The following DACH2 variants were observed in gnomAD, a reference collection of about 807,000 sequenced individuals.
DACH2 encodes dachshund homolog 2.
DACH2 carries 17 observed loss-of-function variants against 35.8 expected under a neutral mutation model. The ratio of observed to expected loss-of-function variants is 0.48; its 90% CI spans 0.33 to 0.71. The LOEUF (loss-of-function observed/expected upper bound fraction) is 0.71. Among genes scored for constraint, DACH2 ranks in the 30% least tolerant of loss-of-function variants. DACH2 has a pLI of 0.02. For missense variants in DACH2, 469 were observed against 472.7 expected, an observed-to-expected ratio of 0.99 and a Z score of 0.07; for synonymous variants, 195 against 177.3, an observed-to-expected ratio of 1.10 and a Z score of -0.79.
At chrX:86,511,346 T>C (rs1400911658) in intron 2 of DACH2, among the ~76,000 whole-genome samples, 1 of 111,885 alleles carries the variant, frequency 8.9e-6, no homozygotes, top group Non-Finnish European at 1.9e-5. Flanking sequence ...TTCACAAACT[T>C]CATTCCAATT....
chrX:86,337,981 C>A (rs2148057142), intron 1 of DACH2, among the ~76,000 whole-genome samples: 1 of 111,986 alleles, frequency 8.9e-6, no homozygotes, highest in African/African-American at 3.2e-5. Context: ...AAGGGCATTA[C>A]ATAATGGTTA....
intron 7 of DACH2, among the ~76,000 whole-genome samples, chrX:86,763,457 T>C (rs778360846): frequency 8.9e-6 from 1 of 112,282 alleles, no homozygotes; most frequent in Non-Finnish European, 1.9e-5. Context: ...GTTTACTTTT[T>C]TTTTGTTTTG....
chrX:86,533,284 A>G (rs2038750765), intron 3 of DACH2, among the ~76,000 whole-genome samples: 1 of 111,588 alleles, frequency 9.0e-6, no homozygotes, highest in South Asian at 3.7e-4. Flanking sequence ...GACTCCCCAA[A>G]TTATTTTACA....
intron 2 of DACH2, among the ~76,000 whole-genome samples, chrX:86,391,041 G>A (rs1022619608): frequency 9.2e-6 from 1 of 109,030 alleles, no homozygotes; most frequent in Non-Finnish European, 1.9e-5. Flanking sequence ...AGCACTTTGG[G>A]AGGCTAAGGC....
At chrX:86,760,725 T>C (rs1158474313) in intron 7 of DACH2, among the ~76,000 whole-genome samples, 1 of 111,689 alleles carries the variant, frequency 9.0e-6, no homozygotes, top group East Asian at 2.8e-4. Context: ...TATTTGGATC[T>C]GTTGCTTAAG....
intron 3 of DACH2, among the ~76,000 whole-genome samples, chrX:86,601,684 ATGTT>A (rs2039791591): frequency 1.8e-5 from 2 of 112,366 alleles, no homozygotes; most frequent in Non-Finnish European, 1.9e-5. Flanking sequence ...TTAATATTTT[ATGTT>A]TGTTTATCTC....
At chrX:86,556,804 A>AGAGAGAGG (rs2039134966) in intron 3 of DACH2, among the ~76,000 whole-genome samples, 2 of 83,144 alleles carry the variant, frequency 2.4e-5, no homozygotes, top group Non-Finnish European at 4.5e-5. Context: ...ATAGAGAGAG[A>AGAGAGAGG]GAGAGAGAGA....
In DACH2 at chrX:86,444,029, T is replaced by A. The variant is rs141491897; in HGVS notation, c.527+67167T>A. Among the ~76,000 whole-genome samples the A allele has an allele frequency of 1.1e-3, 121 of 111,763 alleles. 2 individuals carry two copies. The East Asian group carries it at 0.031, about 29-fold the overall frequency. ...CCTTGTAGAGTGATTCTGGAAATAC[T>A]CTCTCATCTTTACGTTTTTGGAATA... On this transcript the variant is annotated intron_variant, in intron 2 of 11. Transcript: ENST00000373125.
intron 1 of DACH2, among the ~76,000 whole-genome samples, chrX:86,297,752 A>C (rs951699608): frequency 8.9e-6 from 1 of 112,271 alleles, no homozygotes; most frequent in Non-Finnish European, 1.9e-5. Flanking sequence ...ATAAAGTAAA[A>C]ATATTTCCTC....
chrX:86,378,852 G>T (rs1376364989), intron 2 of DACH2, among the ~76,000 whole-genome samples: 1 of 110,790 alleles, frequency 9.0e-6, no homozygotes, highest in East Asian at 2.8e-4. Context: ...TAATTATTCT[G>T]GTACTCAAAA....
At chrX:86,447,051 A>G (rs1422312852) in intron 2 of DACH2, among the ~76,000 whole-genome samples, 2 of 74,999 alleles carry the variant, frequency 2.7e-5, no homozygotes, top group African/African-American at 1.0e-4. Context: ...GCCAGTGATG[A>G]TGAGCATTTC....
intron 2 of DACH2, among the ~76,000 whole-genome samples, chrX:86,459,704 A>G (rs1158097764): frequency 9.0e-6 from 1 of 111,582 alleles, no homozygotes; most frequent in Non-Finnish European, 1.9e-5. Flanking sequence ...TTAGCATGGC[A>G]ATAATTTTGT....
intron 1 of DACH2, among the ~76,000 whole-genome samples, chrX:86,206,200 A>C (rs2032306786): frequency 9.0e-6 from 1 of 110,676 alleles, no homozygotes; most frequent in Admixed American, 9.6e-5. Flanking sequence ...TTCATTCAGT[A>C]TTACATATGA....
intron 1 of DACH2, among the ~76,000 whole-genome samples, chrX:86,244,582 C>A (rs1219647370): frequency 9.0e-6 from 1 of 111,563 alleles, no homozygotes; most frequent in East Asian, 2.8e-4. Context: ...CCACTGCATT[C>A]CAGCCTGGGC....
At chrX:86,746,262 T>C (rs1430583959) in intron 7 of DACH2, among the ~76,000 whole-genome samples, 1 of 111,504 alleles carries the variant, frequency 9.0e-6, no homozygotes, top group Non-Finnish European at 1.9e-5. Flanking sequence ...CACATGTATA[T>C]ATACTTAGGA....
At chrX:86,171,997 G>T (rs748519100) in intron 1 of DACH2, among the ~76,000 whole-genome samples, 1 of 111,681 alleles carries the variant, frequency 9.0e-6, no homozygotes, top group Non-Finnish European at 1.9e-5. Flanking sequence ...AACTAAGTTC[G>T]CATTTCAGGG....
At chrX:86,482,617 T>A (rs769353477) in intron 2 of DACH2, among the ~76,000 whole-genome samples, 4 of 108,233 alleles carry the variant, frequency 3.7e-5, no homozygotes, top group Non-Finnish European at 5.7e-5. Flanking sequence ...GCCACACTGA[T>A]TTCCACAATG....
At chrX:86,574,002 A>G (rs901113325) in intron 3 of DACH2, among the ~76,000 whole-genome samples, 2 of 111,957 alleles carry the variant, frequency 1.8e-5, no homozygotes, top group Admixed American at 1.9e-4. Context: ...TTATTGAAAA[A>G]TCTTATTTTA....
rs762769922 is a variant in DACH2 at position 86,196,564 on chromosome X, G to C, written c.488+47456G>C. Among the ~76,000 whole-genome samples the C allele has an allele frequency of 2.8e-5, 3 of 106,991 alleles. No homozygotes were observed. The East Asian group carries it at 9.0e-4, about 32-fold the overall frequency. 92.9% of individuals were successfully genotyped at this position (106,991 alleles called of 115,157 possible). On this transcript the variant is annotated intron_variant, in intron 1 of 11. Transcript: ENST00000373125. ...AGAAATTAGCCAGGCATGGTGGTGGGTGCCTGTAGTCCCAGCTACTTGGGA... is the reference window on the plus strand; with the variant it reads ...AGAAATTAGCCAGGCATGGTGGTGGCTGCCTGTAGTCCCAGCTACTTGGGA...
Sources: gnomAD v4.1 joint callset for allele counts (sites outside exome capture counted in the v4.1 genomes callset) on GRCh38, gnomAD v4.1.1 for gene constraint, MANE v1.5 for transcripts, NCBI Gene and HGNC (gene_info 2026-07-23, HGNC 2026-07-21) for gene names.